The following CTTN variants were observed in gnomAD, a reference collection of about 807,000 sequenced individuals.
The protein encoded by CTTN is src substrate cortactin.
In CTTN, 28 loss-of-function variants were observed where a neutral mutation model predicts 84.0. That is an observed-to-expected ratio of 0.33 (90% CI 0.25 to 0.46). CTTN has a LOEUF of 0.46. CTTN is among the 20% of genes least tolerant of loss of function. CTTN has a pLI of 1.00. For missense variants in CTTN, 641 were observed against 723.8 expected (o/e 0.89, Z 1.31); for synonymous variants, 301 against 288.8 (o/e 1.04, Z -0.43).
intron 5 of CTTN, chr11:70,410,484 C>T (rs116291064): frequency 1.2e-3 from 181 of 154,620 alleles, no homozygotes; most frequent in African/African-American, 4.3e-3. Flanking sequence ...TCACTCTATT[C>T]GAGAGGTCTG....
At chr11:70,417,992 G>C (rs1478898665) in intron 8 of CTTN, among the ~76,000 whole-genome samples, 1 of 152,190 alleles carries the variant, frequency 6.6e-6, no homozygotes, top group Non-Finnish European at 1.5e-5. Flanking sequence ...CCATCACTCA[G>C]AGCGTTTCCC....
chr11:70,404,725 G>A (rs1196198374), intron 1 of CTTN, among the ~76,000 whole-genome samples: 7 of 152,180 alleles, frequency 4.6e-5, no homozygotes, highest in African/African-American at 7.2e-5. Flanking sequence ...CATGTAGGCC[G>A]GGCGCCATGC....
chr11:70,419,641 AG>A, intron 8 of CTTN, 104 bp from the exon 9 acceptor site: 1 of 813,036 alleles, frequency 1.2e-6, no homozygotes. Context: ...GTGGTCCTAC[AG>A]TGGACCTGAA....
chr11:70,433,663 T>C lies in CTTN; in HGVS notation c.1461T>C (p.Asp487=). The change falls in exon 17 of 18, where the codon GAT becomes GAC. Residue 487 remains aspartate (D), a synonymous_variant. Coordinates refer to ENST00000301843, the MANE Select transcript of CTTN (RefSeq NM_005231.4). ...GHYPAEDSTY[D]EYENDLGITA... ...TTCTTTTAGAGGACAGCACCTACGA[T>C]GAGTACGAGAACGATCTGGGGATCA... 6.8e-6 allele frequency: 11 copies of C among 1,613,344 alleles called. No homozygotes were observed. The highest frequency in any genetic ancestry group is 1.1e-5 in the South Asian group (1 of 91,056).
In CTTN at chr11:70,417,057, C is replaced by A. The variant is rs776466770; in HGVS notation, c.502C>A (p.Arg168=). The change falls in exon 8 of 18, where the codon CGA becomes AGA. Residue 168 remains arginine (R), a synonymous_variant. Transcript: ENST00000301843. ...CGGCAAGTATGGCGTGCAGGCCGAC[C>A]GAGTAGACAAGAGCGCGGTGGGCTT... is the stretch of plus-strand genomic sequence containing the variant. ...FGGKYGVQAD[R]VDKSAVGFDY... 1 of 1,614,076 alleles carries A rather than the reference C, an allele frequency of 6.2e-7. No individual in the cohort carries two copies. The highest frequency in any genetic ancestry group is 8.5e-7 in the Non-Finnish European group (1 of 1,180,052).
Position 70,429,097 on chromosome 11 carries a change from T to C in CTTN, c.1074T>C (p.Ala358=), listed in dbSNP as rs1376618892. Residue 358 remains alanine (A), a synonymous_variant, in exon 14 of 18, where the codon GCT becomes GCC. Coordinates refer to ENST00000301843, the MANE Select transcript of CTTN (RefSeq NM_005231.4). The part of the protein sequence containing the change: ...SNIRANFENL[A]KEKEQEDRRK... ...TCAGAGCTAACTTTGAAAACCTCGCTAAGGAGAAAGAGCAGGAGGACAGGC... is the reference window on the plus strand; with the variant it reads ...TCAGAGCTAACTTTGAAAACCTCGCCAAGGAGAAAGAGCAGGAGGACAGGC... The C allele has an allele frequency of 6.2e-7, 1 of 1,614,112 alleles. No homozygotes were observed. Among genetic ancestry groups the C allele is most frequent in the Admixed American group, 1.7e-5 (1 of 60,020 alleles).
At chr11:70,414,699 C>T (rs1461509395) in intron 6 of CTTN, 47 bp downstream of exon 6, 13 of 1,421,542 alleles carry the variant, frequency 9.1e-6, no homozygotes, top group East Asian at 2.3e-5. Context: ...GCAAGGGGGG[C>T]GTTCCCCGTA....
intron 5 of CTTN, among the ~76,000 whole-genome samples, chr11:70,413,372 A>G (rs1042822396): frequency 3.9e-5 from 6 of 152,024 alleles, no homozygotes; most frequent in Admixed American, 1.3e-4. Flanking sequence ...TGCTGTGAGG[A>G]GGGAGCCTCA....
In CTTN at chr11:70,414,641, A is replaced by G. The variant is rs1403932975; in HGVS notation, c.391A>G (p.Arg131Gly). Residue 131 changes from arginine to glycine, a missense_variant, in exon 6 of 18, where the codon AGA becomes GGA. Arg to Gly is a moderately radical substitution (Grantham distance 125). Transcript: ENST00000301843. The stretch of plus-strand genomic sequence containing the variant: ...AGGCAAGTTTGGTGTCCAGATGGAC[A>G]GAGTTGATCAGGTGAGTGATGTGGC... The part of the protein sequence containing the change: ...FGGKFGVQMD[R>G]VDQSAVGFEY... 1 of 1,613,012 alleles carries G rather than the reference A, an allele frequency of 6.2e-7. No homozygotes were observed. The highest frequency in any genetic ancestry group is 1.1e-5 in the South Asian group (1 of 91,058).
At chr11:70,412,673 C>A (rs1021520128) in intron 5 of CTTN, among the ~76,000 whole-genome samples, 1 of 152,176 alleles carries the variant, frequency 6.6e-6, no homozygotes, top group Non-Finnish European at 1.5e-5. Flanking sequence ...CTTTCCCTTG[C>A]GGCCAGCGGT....
Position 70,416,200 on chromosome 11 carries a change from A to G in CTTN, c.457+483A>G, listed in dbSNP as rs1255677828. ...TCTCTTTTTTGAAAGACCAAAGCAT[A>G]TCGCCACCTTAAAGTTCTCAGTTTA... On this transcript the variant is annotated intron_variant, in intron 7 of 17. Coordinates refer to ENST00000301843, the MANE Select transcript of CTTN (RefSeq NM_005231.4). 2.6e-5 allele frequency: 4 copies of G among 154,752 alleles called. No homozygotes were observed. The East Asian group carries it at 7.6e-4, about 30-fold the overall frequency. The allele number at this position is 154,752 out of a possible 1,614,324, so 9.6% of individuals were successfully genotyped here. A position where few individuals can be genotyped will look rare whatever the true frequency, so the allele number is the denominator to read the frequency against.
chr11:70,401,908 T>C (rs2057988249), intron 1 of CTTN, among the ~76,000 whole-genome samples: 1 of 152,066 alleles, frequency 6.6e-6, no homozygotes, highest in Non-Finnish European at 1.5e-5. Context: ...CCCAGCACTT[T>C]GAGAGGCTGA....
rs1349743808 is a variant in CTTN, at chr11:70,429,130, G to A, written c.1107G>A (p.Ala369=). The change falls in exon 14 of 18, where the codon GCG becomes GCA. Residue 369 remains alanine (A), a synonymous_variant. Transcript: ENST00000301843. ...KEKEQEDRRK[A]EAERAQRMAK... is the part of the protein sequence containing the mutation. Reference sequence around the variant, plus strand: ...AAGAGCAGGAGGACAGGCGGAAGGCGGAGGCGGAGAGAGCCCAGCGGATGG... The same window carrying A: ...AAGAGCAGGAGGACAGGCGGAAGGCAGAGGCGGAGAGAGCCCAGCGGATGG... 11 of 1,614,010 alleles carry A rather than the reference G, an allele frequency of 6.8e-6. No homozygotes were observed. The highest frequency in any genetic ancestry group is 6.7e-5 in the East Asian group (3 of 44,884).
chr11:70,413,766 C>G (rs978915647), intron 5 of CTTN, among the ~76,000 whole-genome samples: 1 of 152,218 alleles, frequency 6.6e-6, no homozygotes, highest in Non-Finnish European at 1.5e-5. Flanking sequence ...CAGTGTGAGC[C>G]TGTGTCTTGC....
Position 70,435,859 on chromosome 11 carries a change from C to T in CTTN, c.*697C>T. On this transcript the variant is annotated 3_prime_UTR_variant, in exon 18 of 18. Transcript: ENST00000301843. ...GAGGGCTGCTGGGAGCCTCTCCTGTCCCCGCCGGGCAGTGTCACTGAGTCC... is the reference window on the plus strand; with the variant it reads ...GAGGGCTGCTGGGAGCCTCTCCTGTTCCCGCCGGGCAGTGTCACTGAGTCC... The T allele has an allele frequency of 4.0e-6, 6 of 1,511,088 alleles. No individual in the cohort carries two copies. Among genetic ancestry groups the T allele is most frequent in the Non-Finnish European group, 5.3e-6 (6 of 1,138,810 alleles). 93.6% of individuals were successfully genotyped at this position (1,511,088 alleles called of 1,614,324 possible).
chr11:70,404,427 G>A (rs941273559), intron 1 of CTTN, among the ~76,000 whole-genome samples: 2 of 152,116 alleles, frequency 1.3e-5, no homozygotes, highest in Non-Finnish European at 2.9e-5. Context: ...CGCGGTAACC[G>A]TGTACGTTCA....
intron 7 of CTTN, chr11:70,416,239 T>G (rs969127661): frequency 6.5e-6 from 1 of 153,772 alleles, no homozygotes; most frequent in African/African-American, 2.4e-5. Flanking sequence ...TTTGCAAGCT[T>G]ATTTAGTTCT....
Position 70,435,997 on chromosome 11 carries a change from G to A in CTTN, c.*835G>A. 7 of 1,428,906 alleles carry A rather than the reference G, an allele frequency of 4.9e-6. No individual in the cohort carries two copies. The South Asian group carries it at 9.1e-5, about 19-fold the overall frequency. The allele number at this position is 1,428,906 out of a possible 1,614,324, so 88.5% of individuals were successfully genotyped here. ...TGATGTCTTAACTGTCACCCATATG[G>A]TCCCTGGGCCACCGGGCAGCCTGGG... is the stretch of plus-strand genomic sequence containing the variant. On this transcript the variant is annotated 3_prime_UTR_variant, in exon 18 of 18. Coordinates refer to ENST00000301843, the MANE Select transcript of CTTN (RefSeq NM_005231.4).
At chr11:70,406,156 T>C (rs963288414) in intron 2 of CTTN, among the ~76,000 whole-genome samples, 1 of 152,250 alleles carries the variant, frequency 6.6e-6, no homozygotes, top group South Asian at 2.1e-4. Flanking sequence ...TTAGTCCTGC[T>C]ACACCCCTTG....
Sources: allele counts gnomAD v4.1 joint callset (sites outside exome capture counted in the v4.1 genomes callset), GRCh38; gene constraint gnomAD v4.1.1; transcripts MANE v1.5; gene names NCBI Gene and HGNC (gene_info 2026-07-23, HGNC 2026-07-21).